GFI1B: variants seen among roughly 807,000 people sequenced by gnomAD.
GFI1B encodes zinc finger protein Gfi-1b.
GFI1B carries 20 observed loss-of-function variants against 35.3 expected under a neutral mutation model. That is an observed-to-expected ratio of 0.57 (90% CI 0.40 to 0.82). The LOEUF (loss-of-function observed/expected upper bound fraction) is 0.82, where lower values mean the gene tolerates loss of function less well. Among genes scored for constraint, GFI1B ranks in the 40% least tolerant of loss-of-function variants. The probability of loss-of-function intolerance (pLI) is 0.00; values close to 1 mark genes in which losing one functional copy is unlikely to be tolerated. For synonymous variants in GFI1B, 178 were observed against 177.6 expected (o/e 1.00, Z -0.02); for missense variants, 430 against 446.3 (o/e 0.96, Z 0.33).
intron 1 of GFI1B, among the ~76,000 whole-genome samples, chr9:132,959,162 T>C (rs1301761346): frequency 6.6e-6 from 1 of 152,152 alleles, no homozygotes; most frequent in Admixed American, 6.5e-5. Context: ...GTAGTTCCCA[T>C]AATCCCCATG....
At position 132,986,749 on chromosome 9, in the gene GFI1B, A is replaced by T; in HGVS notation, c.71A>T (p.Glu24Val). 1.1e-5 allele frequency: 17 copies of T among 1,612,466 alleles called. No homozygotes were observed. Among genetic ancestry groups the T allele is most frequent in the Non-Finnish European group, 1.4e-5 (17 of 1,179,176 alleles). ...CACCAGCCCCGTGTGCAGGAAGATG[A>T]ACCGCTCTGGCCTCCTGCCCTTACC... ...TYHQPRVQED[E>V]PLWPPALTPV... is the part of the protein sequence containing the mutation. The change falls in exon 2 of 7, where the codon GAA becomes GTA. Residue 24 changes from glutamate (E) to valine (V), a missense_variant. Transcript: ENST00000372122.
At chr9:132,981,297 A>G (rs1848811490) in intron 1 of GFI1B, among the ~76,000 whole-genome samples, 1 of 152,182 alleles carries the variant, frequency 6.6e-6, no homozygotes, top group Non-Finnish European at 1.5e-5. Context: ...GAGTATGCAG[A>G]TATCTCTTTG....
chr9:132,968,318 C>A (rs978734426), intron 1 of GFI1B, among the ~76,000 whole-genome samples: 1 of 151,772 alleles, frequency 6.6e-6, no homozygotes, highest in South Asian at 2.1e-4. Flanking sequence ...GACGAGGCCT[C>A]ACTACATTGC....
chr9:132,963,560 G>C (rs1360081073), intron 1 of GFI1B, among the ~76,000 whole-genome samples: 1 of 151,938 alleles, frequency 6.6e-6, no homozygotes, highest in Non-Finnish European at 1.5e-5. Context: ...CTGGAGTGCA[G>C]TGGCGTGATC....
intron 1 of GFI1B, among the ~76,000 whole-genome samples, chr9:132,946,291 G>T (rs1026504425): frequency 3.9e-5 from 6 of 152,180 alleles, no homozygotes; most frequent in Non-Finnish European, 5.9e-5. Flanking sequence ...AACTGGATGA[G>T]CCTTAGTCTC....
upstream of GFI1B, among the ~76,000 whole-genome samples, chr9:132,975,549 A>T (rs1219912666): frequency 3.9e-5 from 6 of 152,130 alleles, no homozygotes; most frequent in South Asian, 1.2e-3. Flanking sequence ...ATATCACAGC[A>T]CTTGTCACCC....
upstream of GFI1B, among the ~76,000 whole-genome samples, chr9:132,977,637 AT>A (rs1848669406): frequency 6.6e-6 from 1 of 152,136 alleles, no homozygotes; most frequent in Non-Finnish European, 1.5e-5. Flanking sequence ...TAAATCAGTC[AT>A]CCTGCAAGCG....
At chr9:132,966,620 T>C (rs1848454285) in intron 1 of GFI1B, among the ~76,000 whole-genome samples, 1 of 152,234 alleles carries the variant, frequency 6.6e-6, no homozygotes, top group Non-Finnish European at 1.5e-5. Flanking sequence ...GGAGCTGCCA[T>C]GGATGCTGAA....
At position 132,964,606 on chromosome 9, in the gene GFI1B, G is replaced by A. The variant is rs1339306184; in HGVS notation, c.-700-8119G>A. 1.3e-5 allele frequency among the ~76,000 whole-genome samples: 2 copies of A among 152,102 alleles called. 1 individual carries two copies. The highest frequency in any genetic ancestry group is 4.8e-5 in the African/African-American group (2 of 41,384). On this transcript the variant is annotated intron_variant, in intron 1 of 10. Coordinates refer to the GFI1B transcript ENST00000339463. ...GCAAAAACCACAACCTTGCACAAAG[G>A]CCGTCACAATTCTACACACACAAAA... is the stretch of plus-strand genomic sequence containing the variant.
chr9:132,973,883 C>T (rs1848577138), upstream of GFI1B, among the ~76,000 whole-genome samples: 1 of 152,190 alleles, frequency 6.6e-6, no homozygotes, highest in Non-Finnish European at 1.5e-5. Flanking sequence ...GGAAAGTCTG[C>T]CAGCCCCGGC....
chr9:132,948,024 C>T (rs184208428), intron 1 of GFI1B, among the ~76,000 whole-genome samples: 5 of 152,176 alleles, frequency 3.3e-5, no homozygotes, highest in East Asian at 1.9e-4. Flanking sequence ...TTCAATTTTG[C>T]GTGCCTATTA....
intron 1 of GFI1B, among the ~76,000 whole-genome samples, chr9:132,970,358 G>A (rs1179508581): frequency 2.0e-5 from 3 of 152,126 alleles, no homozygotes; most frequent in African/African-American, 7.2e-5. Context: ...GGTGCTACTC[G>A]AAGGGGCTTG....
At chr9:132,985,497 T>C (rs2132637718) in intron 1 of GFI1B, among the ~76,000 whole-genome samples, 1 of 152,280 alleles carries the variant, frequency 6.6e-6, no homozygotes, top group Non-Finnish European at 1.5e-5. Context: ...CTCTCAGGTC[T>C]TGAGTCCCCA....
intron 1 of GFI1B, among the ~76,000 whole-genome samples, chr9:132,948,907 C>G (rs541724165): frequency 7.9e-4 from 120 of 152,352 alleles, no homozygotes; most frequent in South Asian, 2.3e-3. Context: ...CATGTCCTCT[C>G]CCTCCTCTTG....
intron 1 of GFI1B, among the ~76,000 whole-genome samples, chr9:132,982,749 G>A (rs1480395315): frequency 6.6e-6 from 1 of 152,088 alleles, no homozygotes; most frequent in Non-Finnish European, 1.5e-5. Context: ...AAGTTCACCG[G>A]GTGCATTTGG....
intron 1 of GFI1B, among the ~76,000 whole-genome samples, chr9:132,979,260 T>A (rs200860643): frequency 0.12 from 17,053 of 142,824 alleles, 1,494 homozygotes; most frequent in East Asian, 0.34. Flanking sequence ...TTTTTTTTTT[T>A]TTTTTTTTTT....
At chr9:132,969,987 G>A (rs1049862677) in intron 1 of GFI1B, among the ~76,000 whole-genome samples, 30 of 152,160 alleles carry the variant, frequency 2.0e-4, no homozygotes, top group African/African-American at 6.5e-4. Flanking sequence ...CCTGGCTGCT[G>A]GAGGGCTCCC....
chr9:132,977,202 G>T (rs537898315), upstream of GFI1B, among the ~76,000 whole-genome samples: 13 of 152,094 alleles, frequency 8.5e-5, no homozygotes, highest in Admixed American at 2.0e-4. Flanking sequence ...AGTGATCCTC[G>T]CCTGCCTCGG....
At chr9:132,967,047 T>A (rs1456843402) in intron 1 of GFI1B, among the ~76,000 whole-genome samples, 1 of 152,184 alleles carries the variant, frequency 6.6e-6, no homozygotes, top group South Asian at 2.1e-4. Flanking sequence ...TGACAGGTGA[T>A]TCGGTCATGC....
Sources: allele counts gnomAD v4.1 joint callset (sites outside exome capture counted in the v4.1 genomes callset), GRCh38; gene constraint gnomAD v4.1.1; transcripts MANE v1.5; gene names NCBI Gene and HGNC (gene_info 2026-07-23, HGNC 2026-07-21).